SYNE2: variants seen among roughly 807,000 people sequenced by gnomAD.
SYNE2 encodes nesprin-2.
In SYNE2, 431 loss-of-function variants were observed where a neutral mutation model predicts 856.3. The observed-to-expected ratio is 0.50, with a 90% CI of 0.47 to 0.55. The LOEUF is 0.55. Ranked by LOEUF, SYNE2 falls within the 20% of genes least tolerant of loss-of-function variation. SYNE2 has a pLI of 0.00. For missense variants in SYNE2, 8,129 were observed against 8,023.2 expected, an observed-to-expected ratio of 1.01 and a Z score of -0.50; for synonymous variants, 2,923 against 2,872.3, an observed-to-expected ratio of 1.02 and a Z score of -0.56.
chr14:63,990,821 C>G (rs1177236777), intron 20 of SYNE2, 121 bp from the exon 21 acceptor site: 1 of 858,402 alleles, frequency 1.2e-6, no homozygotes, highest in African/African-American at 1.7e-5. Flanking sequence ...ATAGATTTAT[C>G]ATAATTTAGA....
intron 106 of SYNE2, 110 bp downstream of exon 106, chr14:64,214,580 C>T (rs1178263390): frequency 1.8e-6 from 2 of 1,127,010 alleles, no homozygotes; most frequent in South Asian, 2.8e-5. Flanking sequence ...TGTGGCCGAC[C>T]CTGACTTCTG....
intron 77 of SYNE2, among the ~76,000 whole-genome samples, chr14:64,132,830 G>C (rs1478814405): frequency 6.6e-6 from 1 of 152,106 alleles, no homozygotes; most frequent in Non-Finnish European, 1.5e-5. Context: ...AAAAAAATAA[G>C]CATGCATAAA....
rs771298973 is a variant in SYNE2 at position 64,024,295 on chromosome 14, GC to G, written c.5677del (p.Gln1893ArgfsTer6). Reference sequence around the variant, plus strand: ...TTGAAGGAAGAAACAGTAAAATAAAGCAGGTGGACAGCGTACTGAAGCATGT... The same window carrying G: ...TTGAAGGAAGAAACAGTAAAATAAAGAGGTGGACAGCGTACTGAAGCATGT... ...TLEGRNSKIK[Q>X]VDSVLKHVKK... On this transcript the variant is annotated frameshift_variant, in exon 39 of 116. Coordinates refer to ENST00000555002, the MANE Select transcript of SYNE2 (RefSeq NM_182914.3). LOFTEE classifies it high-confidence loss of function. 6.2e-7 allele frequency: 1 copy of G among 1,614,074 alleles called. No homozygotes were observed. The highest frequency in any genetic ancestry group is 8.5e-7 in the Non-Finnish European group (1 of 1,179,960).
At chr14:63,923,768 C>T (rs972590058) in intron 2 of SYNE2, among the ~76,000 whole-genome samples, 11 of 152,056 alleles carry the variant, frequency 7.2e-5, no homozygotes, top group African/African-American at 2.4e-4. Flanking sequence ...TCAGTATACT[C>T]ACAGAGTTGA....
Position 63,997,428 on chromosome 14 carries a change from C to G in SYNE2, c.3243+37C>G, listed in dbSNP as rs557602089. On this transcript the variant is annotated intron_variant, in intron 25 of 115. Coordinates refer to ENST00000555002, the MANE Select transcript of SYNE2 (RefSeq NM_182914.3). ...GGATAATGTATTTTAGAAGTAAACCCAAAGTAAAAGACCAAGTGTACAATA... is the reference window on the plus strand; with the variant it reads ...GGATAATGTATTTTAGAAGTAAACCGAAAGTAAAAGACCAAGTGTACAATA... 92 of 1,509,724 alleles carry G rather than the reference C, an allele frequency of 6.1e-5. 1 individual carries two copies. In the South Asian group the frequency reaches 1.1e-3, roughly 17 times the overall value. 93.5% of individuals were successfully genotyped at this position (1,509,724 alleles called of 1,614,324 possible). A position where few individuals can be genotyped will look rare whatever the true frequency, so the allele number is the denominator to read the frequency against.
intron 5 of SYNE2, 40 bp from the exon 6 acceptor site, chr14:63,942,011 G>T: frequency 6.3e-7 from 1 of 1,596,590 alleles, no homozygotes. Context: ...TAATGCTCTG[G>T]GATATTTCCT....
At chr14:63,841,976 G>C (rs1890081418) in intron 1 of SYNE2, among the ~76,000 whole-genome samples, 1 of 151,554 alleles carries the variant, frequency 6.6e-6, no homozygotes, top group South Asian at 2.1e-4. Flanking sequence ...GGGACTACAG[G>C]CACCCACCAC....
chr14:64,027,351 C>T (rs900869965), intron 42 of SYNE2, 133 bp from the exon 43 acceptor site: 11 of 604,578 alleles, frequency 1.8e-5, no homozygotes, highest in Non-Finnish European at 2.8e-5. Flanking sequence ...GTTCTAATAT[C>T]AAAAGAGTCT....
chr14:64,118,028 C>A (rs972894775), intron 66 of SYNE2, among the ~76,000 whole-genome samples: 3 of 152,194 alleles, frequency 2.0e-5, no homozygotes, highest in Admixed American at 6.5e-5. Flanking sequence ...AAAGTAAAAG[C>A]ATAGATAAAG....
intron 1 of SYNE2, among the ~76,000 whole-genome samples, chr14:63,818,524 A>G (rs1889093872): frequency 6.6e-6 from 1 of 151,980 alleles, no homozygotes; most frequent in Non-Finnish European, 1.5e-5. Flanking sequence ...CTCGAAATAT[A>G]TAAATAAATA....
Position 63,950,129 on chromosome 14 carries a change from G to T in SYNE2, c.590+123G>T, listed in dbSNP as rs2096127144. The T allele has an allele frequency of 2.7e-6, 3 of 1,131,850 alleles. No homozygotes were observed. In the Admixed American group the frequency reaches 5.4e-5, roughly 20 times the overall value. 70.1% of individuals were successfully genotyped at this position (1,131,850 alleles called of 1,614,324 possible). A position where few individuals can be genotyped will look rare whatever the true frequency, so the allele number is the denominator to read the frequency against. ...TCTCACTATCCCCCTTCCTCTCTGT[G>T]CTTCTTCCATACGTGGAAGCCCAAG... On this transcript the variant is annotated intron_variant, in intron 7 of 115. Transcript: ENST00000555002.
At chr14:64,053,723 T>A in intron 48 of SYNE2, 66 bp downstream of exon 48, 1 of 1,529,160 alleles carries the variant, frequency 6.5e-7, no homozygotes, top group Non-Finnish European at 8.9e-7. Flanking sequence ...TCCCAGCATT[T>A]TGGGAGGCCA....
intron 81 of SYNE2, 23 bp downstream of exon 81, chr14:64,141,546 T>C (rs199816370): frequency 1.3e-4 from 207 of 1,609,598 alleles, no homozygotes; most frequent in Non-Finnish European, 1.6e-4. Flanking sequence ...AGCCTCAGCA[T>C]TTGAATTAGC....
intron 114 of SYNE2, 62 bp downstream of exon 114, chr14:64,224,609 G>A: frequency 6.3e-7 from 1 of 1,582,254 alleles, no homozygotes; most frequent in South Asian, 1.1e-5. Flanking sequence ...ACTAAGATGA[G>A]GGAAGCTTGG....
intron 64 of SYNE2, among the ~76,000 whole-genome samples, chr14:64,105,341 G>A (rs1018573363): frequency 1.3e-5 from 2 of 152,120 alleles, no homozygotes; most frequent in African/African-American, 4.8e-5. Flanking sequence ...CCTGGTCCCC[G>A]CCTACCTTTC....
At chr14:63,923,535 A>G (rs1214577411) in intron 2 of SYNE2, among the ~76,000 whole-genome samples, 2 of 152,244 alleles carry the variant, frequency 1.3e-5, no homozygotes, top group African/African-American at 4.8e-5. Context: ...CTAAATTCCT[A>G]TAGCATGAAA....
At chr14:64,134,023 A>G (rs1415039523) in intron 77 of SYNE2, 46 bp from the exon 78 acceptor site, 4 of 1,610,762 alleles carry the variant, frequency 2.5e-6, no homozygotes, top group South Asian at 1.1e-5. Flanking sequence ...ATCTGGAACC[A>G]ATCTGGTAAA....
rs2153473269 is a variant in SYNE2, at chr14:63,981,080, A to G, written c.1743A>G (p.Leu581=). The G allele has an allele frequency of 6.2e-7, 1 of 1,612,424 alleles. No individual in the cohort carries two copies. The highest frequency in any genetic ancestry group is 1.1e-5 in the South Asian group (1 of 91,030). Residue 581 remains leucine, a synonymous_variant, in exon 16 of 116, where the codon CTA becomes CTG. Transcript: ENST00000555002. ...RKNIYNVKST[L]QKVLACWATY... ...ATATATATAATGTGAAGTCCACTCT[A>G]CAAAAAGTGCTGGCATGTTGGGCTA...
Position 63,933,629 on chromosome 14 carries a change from T to G in SYNE2, c.80-6985T>G, listed in dbSNP as rs886369675. 4.6e-5 allele frequency among the ~76,000 whole-genome samples: 7 copies of G among 152,372 alleles called. No individual in the cohort carries two copies. The East Asian group carries it at 1.3e-3, about 29-fold the overall frequency. ...TGAATAAAATTCACTGACCACATTT[T>G]CCTACATTATGTATATATATTTGCC... On this transcript the variant is annotated intron_variant, in intron 2 of 115. Coordinates refer to ENST00000555002, the MANE Select transcript of SYNE2 (RefSeq NM_182914.3).
Sources: gnomAD v4.1 joint callset for allele counts (sites outside exome capture counted in the v4.1 genomes callset) on GRCh38, gnomAD v4.1.1 for gene constraint, MANE v1.5 for transcripts, NCBI Gene and HGNC (gene_info 2026-07-23, HGNC 2026-07-21) for gene names.